The following ACSL6 variants were observed in gnomAD, a reference collection of about 807,000 sequenced individuals.
The protein encoded by ACSL6 is long-chain-fatty-acid--CoA ligase 6.
In ACSL6, 47 loss-of-function variants were observed where a neutral mutation model predicts 98.2. That is an observed-to-expected ratio of 0.48 (90% CI 0.38 to 0.61). The LOEUF (loss-of-function observed/expected upper bound fraction) is 0.61, where lower values mean the gene tolerates loss of function less well. Ranked by LOEUF, ACSL6 falls within the 20% of genes least tolerant of loss-of-function variation. The pLI is 0.00. For synonymous variants in ACSL6, 362 were observed against 336.9 expected (o/e 1.07, Z -0.82); for missense variants, 761 against 913.4 (o/e 0.83, Z 2.15).
At chr5:131,961,179 C>T (rs1341012382) in intron 18 of ACSL6, among the ~76,000 whole-genome samples, 1 of 151,928 alleles carries the variant, frequency 6.6e-6, no homozygotes, top group Non-Finnish European at 1.5e-5. Flanking sequence ...TGCATGCCAC[C>T]ACATGTAGCT....
rs540864387 is a variant in ACSL6 at position 131,985,453 on chromosome 5, C to T, written c.870G>A (p.Pro290=). The change falls in exon 9 of 21, where the codon CCG becomes CCA. Residue 290 remains proline (P), a synonymous_variant. Transcript: ENST00000651883. The stretch of plus-strand genomic sequence containing the variant: ...ACACAATGGAGAGGTCATCAGGCTG[C>T]GGGGGCTGCAGGGGTGAGAAGAGGA... ...GQENHQAPVP[P]QPDDLSIVCF... is the part of the protein sequence containing the mutation. 4.8e-5 allele frequency: 78 copies of T among 1,613,770 alleles called. No homozygotes were observed. The South Asian group carries it at 6.7e-4, about 14-fold the overall frequency.
chr5:131,950,689 T>C lies in ACSL6; in HGVS notation c.*3545A>G, dbSNP rs1474309782. 5.2e-6 allele frequency: 1 copy of C among 191,418 alleles called. No homozygotes were observed. Among genetic ancestry groups the C allele is most frequent in the Non-Finnish European group, 1.1e-5 (1 of 91,450 alleles). The allele number at this position is 191,418 out of a possible 1,614,324, so 11.9% of individuals were successfully genotyped here. On this transcript the variant is annotated 3_prime_UTR_variant, in exon 21 of 21. Coordinates refer to ENST00000651883, the MANE Select transcript of ACSL6 (RefSeq NM_001009185.3). Reference sequence around the variant, plus strand: ...GTATTTTATATTTTAAATAACTATATTGCATTTGTGCTTCATACATTTGGA... The same window carrying C: ...GTATTTTATATTTTAAATAACTATACTGCATTTGTGCTTCATACATTTGGA...
intron 16 of ACSL6, among the ~76,000 whole-genome samples, chr5:131,967,692 ATAATAAT>A (rs1018542886): frequency 6.7e-6 from 1 of 148,670 alleles, no homozygotes; most frequent in Non-Finnish European, 1.5e-5. Flanking sequence ...AATAATAATA[ATAATAAT>A]TAATTAATTT....
At chr5:131,990,021 T>C in intron 4 of ACSL6, 79 bp downstream of exon 4, 1 of 1,464,000 alleles carries the variant, frequency 6.8e-7, no homozygotes, top group Non-Finnish European at 9.4e-7. Context: ...ACCCAGCAGG[T>C]GCCCACATCC....
Position 131,988,995 on chromosome 5 carries a change from A to G in ACSL6, c.553-91T>C, listed in dbSNP as rs1754357033. The G allele has an allele frequency of 6.1e-6, 7 of 1,148,500 alleles. No individual in the cohort carries two copies. In the South Asian group the frequency reaches 9.1e-5, roughly 15 times the overall value. The allele number at this position is 1,148,500 out of a possible 1,614,324, so 71.1% of individuals were successfully genotyped here. A position where few individuals can be genotyped will look rare whatever the true frequency, so the allele number is the denominator to read the frequency against. ...CCTAGGTAACCAGCGTCCCTGCTCT[A>G]AGCCCTATGCCTGTGGCAAGGAATC... is the stretch of plus-strand genomic sequence containing the variant. On this transcript the variant is annotated intron_variant, in intron 5 of 20. Transcript: ENST00000651883.
At chr5:131,991,357 C>T (rs1446794320) in intron 2 of ACSL6, among the ~76,000 whole-genome samples, 1 of 152,220 alleles carries the variant, frequency 6.6e-6, no homozygotes, top group African/African-American at 2.4e-5. Context: ...CAGGAACAAC[C>T]TGCCAAGGTA....
At chr5:131,987,721 C>A (rs138604227) in intron 7 of ACSL6, among the ~76,000 whole-genome samples, 1 of 152,204 alleles carries the variant, frequency 6.6e-6, no homozygotes, top group East Asian at 1.9e-4. Context: ...CAGACACAGA[C>A]AGGCTGAGGC....
chr5:131,980,251 G>C (rs17132182), intron 9 of ACSL6, among the ~76,000 whole-genome samples: 1,768 of 152,262 alleles, frequency 0.012, 26 homozygotes, highest in African/African-American at 0.032. Flanking sequence ...TCCTGCTAAA[G>C]GCTCTCAAAT....
intron 1 of ACSL6, among the ~76,000 whole-genome samples, chr5:132,008,262 T>C (rs150129694): frequency 6.6e-6 from 1 of 152,338 alleles, no homozygotes; most frequent in African/African-American, 2.4e-5. Context: ...TTCTCTGTCC[T>C]AATGGGAGCC....
intron 9 of ACSL6, among the ~76,000 whole-genome samples, chr5:131,979,759 T>G (rs1035716416): frequency 3.9e-5 from 6 of 152,198 alleles, no homozygotes; most frequent in African/African-American, 1.4e-4. Flanking sequence ...TTTTCCCTGG[T>G]TTTCTCCTTT....
intron 2 of ACSL6, 169 bp downstream of exon 2, chr5:131,993,862 G>A: frequency 1.5e-6 from 1 of 663,238 alleles, no homozygotes; most frequent in Non-Finnish European, 2.6e-6. Context: ...GGAGTGCCTG[G>A]TAGGAGACCC....
At position 131,959,592 on chromosome 5, in the gene ACSL6, T is replaced by C. The variant is rs2149686332; in HGVS notation, c.1975A>G (p.Ile659Val). The change falls in exon 20 of 21, where the codon ATT becomes GTT. Residue 659 changes from isoleucine (I) to valine (V), a missense_variant. Transcript: ENST00000651883. Reference sequence around the variant, plus strand: ...CCTAACCTCACCATATCTTCCAAAATGGCTTTCTTCAGATCCTGAATCAAA... The same window carrying C: ...CCTAACCTCACCATATCTTCCAAAACGGCTTTCTTCAGATCCTGAATCAAA... ...LCTNKDLKKA[I>V]LEDMVRLGKE... 6.2e-7 allele frequency: 1 copy of C among 1,614,220 alleles called. No homozygotes were observed. The highest frequency in any genetic ancestry group is 2.2e-5 in the East Asian group (1 of 44,882).
At chr5:131,971,817 C>T (rs1753325286) in intron 13 of ACSL6, among the ~76,000 whole-genome samples, 172 bp from the exon 14 acceptor site, 1 of 152,172 alleles carries the variant, frequency 6.6e-6, no homozygotes, top group South Asian at 2.1e-4. Flanking sequence ...AAACTCCTTC[C>T]CCTTCCTAAT....
At position 131,988,237 on chromosome 5, in the gene ACSL6, C is replaced by A. The variant is rs1290469733; in HGVS notation, c.653-11G>T. 1 of 1,613,192 alleles carries A rather than the reference C, an allele frequency of 6.2e-7. No homozygotes were observed. Among genetic ancestry groups the A allele is most frequent in the South Asian group, 1.1e-5 (1 of 90,956 alleles). ...CGGTGCTGATGTCCGCTGCAGGGGGCCATCAAGGAGAGTCAGGCCATGTGG... is the reference window on the plus strand; with the variant it reads ...CGGTGCTGATGTCCGCTGCAGGGGGACATCAAGGAGAGTCAGGCCATGTGG... On this transcript the variant is annotated splice_polypyrimidine_tract_variant and intron_variant, in intron 6 of 20. Transcript: ENST00000651883.
At position 131,965,060 on chromosome 5, in the gene ACSL6, C is replaced by T. The variant is rs773196683; in HGVS notation, c.1713+1356G>A. 3.9e-5 allele frequency among the ~76,000 whole-genome samples: 6 copies of T among 152,196 alleles called. No homozygotes were observed. The South Asian group carries it at 1.2e-3, about 32-fold the overall frequency. On this transcript the variant is annotated intron_variant, in intron 17 of 20. Transcript: ENST00000651883. ...TGGGCCAGGGCACTCACTGGAGATA[C>T]ATCTTTGTCTGGGGCAGGCATGAGG...
chr5:131,966,453 C>T lies in ACSL6; in HGVS notation c.1676G>A (p.Gly559Asp), dbSNP rs1278220482. 2 of 1,614,208 alleles carry T rather than the reference C, an allele frequency of 1.2e-6. No homozygotes were observed. Among genetic ancestry groups the T allele is most frequent in the Admixed American group, 3.3e-5 (2 of 60,032 alleles). ...DRTKEALDSD[G>D]WLHTGDIGKW... The stretch of plus-strand genomic sequence containing the variant: ...TCCGATGTCTCCAGTGTGAAGCCAG[C>T]CATCGCTGTCCAGGGCCTCCTTCGT... Residue 559 changes from glycine to aspartate, a missense_variant, in exon 17 of 21, where the codon GGC becomes GAC. Coordinates refer to ENST00000651883, the MANE Select transcript of ACSL6 (RefSeq NM_001009185.3).
intron 1 of ACSL6, among the ~76,000 whole-genome samples, chr5:132,000,534 A>G (rs1038710399): frequency 1.3e-5 from 2 of 151,992 alleles, no homozygotes; most frequent in Non-Finnish European, 2.9e-5. Context: ...GGCTACTTCC[A>G]TAGCATTTTC....
intron 17 of ACSL6, among the ~76,000 whole-genome samples, chr5:131,965,189 A>G (rs1752949144): frequency 1.3e-5 from 2 of 152,090 alleles, no homozygotes; most frequent in South Asian, 4.1e-4. Flanking sequence ...CATTAACTCA[A>G]CACCTCAAAA....
At chr5:131,980,639 C>T (rs993763785) in intron 9 of ACSL6, among the ~76,000 whole-genome samples, 1 of 152,156 alleles carries the variant, frequency 6.6e-6, no homozygotes, top group Non-Finnish European at 1.5e-5. Context: ...GTCTCCACCC[C>T]CTCAGCCTCC....
Sources: gnomAD v4.1 joint callset for allele counts (sites outside exome capture counted in the v4.1 genomes callset) on GRCh38, gnomAD v4.1.1 for gene constraint, MANE v1.5 for transcripts, NCBI Gene and HGNC (gene_info 2026-07-23, HGNC 2026-07-21) for gene names.